The following UTRN variants were observed in gnomAD, a reference collection of about 807,000 sequenced individuals.
The protein encoded by UTRN is dystrophin-related protein 1.
UTRN carries 283 observed loss-of-function variants against 463.9 expected under a neutral mutation model. That is an observed-to-expected ratio of 0.61 (90% confidence interval 0.55 to 0.67). The LOEUF is 0.67. UTRN is among the 30% of genes least tolerant of loss of function. The pLI is 0.00. For missense variants in UTRN, 3,922 were observed against 4,084.3 expected, an observed-to-expected ratio of 0.96 and a Z score of 1.08; for synonymous variants, 1,442 against 1,431.5, an observed-to-expected ratio of 1.01 and a Z score of -0.17.
At chr6:144,483,226 A>G (rs1481158070) in intron 27 of UTRN, among the ~76,000 whole-genome samples, 5 of 152,196 alleles carry the variant, frequency 3.3e-5, no homozygotes, top group Non-Finnish European at 7.3e-5. Flanking sequence ...AGATAAATAT[A>G]TATCATTGAG....
intron 53 of UTRN, among the ~76,000 whole-genome samples, chr6:144,724,185 C>T (rs562059408): frequency 6.7e-6 from 1 of 148,322 alleles, no homozygotes; most frequent in Non-Finnish European, 1.5e-5. Flanking sequence ...AGTATTTTCA[C>T]AGAGTTGTGC....
intron 25 of UTRN, among the ~76,000 whole-genome samples, chr6:144,479,034 C>T (rs1323679289): frequency 3.3e-5 from 5 of 151,784 alleles, no homozygotes; most frequent in Non-Finnish European, 7.4e-5. Flanking sequence ...CAGCCTCTCC[C>T]TCCCTGCTTT....
At chr6:144,827,942 T>C (rs1780334575) in intron 68 of UTRN, among the ~76,000 whole-genome samples, 1 of 152,078 alleles carries the variant, frequency 6.6e-6, no homozygotes, top group Non-Finnish European at 1.5e-5. Context: ...ACAAGCAGGA[T>C]TTAGATGGTG....
chr6:144,325,277 C>G (rs765093438), intron 2 of UTRN, among the ~76,000 whole-genome samples: 4 of 152,200 alleles, frequency 2.6e-5, no homozygotes, highest in African/African-American at 9.6e-5. Context: ...GAGCTCTGCT[C>G]TCTTTCTTGA....
At chr6:144,547,388 A>G (rs1798511965) in intron 46 of UTRN, among the ~76,000 whole-genome samples, 1 of 152,166 alleles carries the variant, frequency 6.6e-6, no homozygotes, top group Non-Finnish European at 1.5e-5. Flanking sequence ...TGGTTTATTA[A>G]TAGCTTCCCT....
chr6:144,745,120 C>T (rs1214707618), intron 54 of UTRN, among the ~76,000 whole-genome samples: 1 of 152,110 alleles, frequency 6.6e-6, no homozygotes, highest in Non-Finnish European at 1.5e-5. Context: ...AACATGACAC[C>T]GGGGTTCTTC....
At chr6:144,501,663 A>G (rs1177234670) in intron 34 of UTRN, among the ~76,000 whole-genome samples, 1 of 152,124 alleles carries the variant, frequency 6.6e-6, no homozygotes, top group Non-Finnish European at 1.5e-5. Context: ...ATGTCCATTT[A>G]AATTATTACC....
At chr6:144,663,831 C>T (rs1169919111) in intron 51 of UTRN, among the ~76,000 whole-genome samples, 2 of 152,156 alleles carry the variant, frequency 1.3e-5, no homozygotes, top group East Asian at 3.9e-4. Flanking sequence ...CAATTTGAAG[C>T]TATATTGTAT....
chr6:144,346,441 T>C (rs149188967), intron 2 of UTRN, among the ~76,000 whole-genome samples: 2 of 152,368 alleles, frequency 1.3e-5, no homozygotes, highest in East Asian at 3.9e-4. Flanking sequence ...CATCAGTTGC[T>C]ATTGAACTGA....
chr6:144,550,778 G>T (rs1798836717), intron 47 of UTRN, among the ~76,000 whole-genome samples, 187 bp from the exon 48 acceptor site: 1 of 152,178 alleles, frequency 6.6e-6, no homozygotes, highest in Non-Finnish European at 1.5e-5. Flanking sequence ...CTAAATGGAA[G>T]AACTGAGATT....
intron 2 of UTRN, among the ~76,000 whole-genome samples, chr6:144,401,265 G>C (rs1219360801): frequency 6.6e-6 from 1 of 152,082 alleles, no homozygotes; most frequent in Non-Finnish European, 1.5e-5. Context: ...TTAAGGTAGT[G>C]GGACAAATAA....
At chr6:144,726,311 T>G (rs1586239661) in intron 53 of UTRN, among the ~76,000 whole-genome samples, 1 of 152,158 alleles carries the variant, frequency 6.6e-6, no homozygotes, top group East Asian at 1.9e-4. Flanking sequence ...CTCTGAGTAC[T>G]GAAGTTTTTA....
chr6:144,569,969 T>C (rs1482782910), intron 50 of UTRN, among the ~76,000 whole-genome samples: 1 of 152,130 alleles, frequency 6.6e-6, no homozygotes, highest in South Asian at 2.1e-4. Context: ...CCTCCAGAAA[T>C]AAATGCAGCC....
chr6:144,365,124 C>T (rs1303646200), intron 2 of UTRN, among the ~76,000 whole-genome samples: 1 of 152,144 alleles, frequency 6.6e-6, no homozygotes, highest in Non-Finnish European at 1.5e-5. Flanking sequence ...TGCCACATTG[C>T]GTAGCTCTTG....
intron 33 of UTRN, among the ~76,000 whole-genome samples, chr6:144,497,397 C>T (rs949376645): frequency 4.0e-5 from 6 of 151,446 alleles, no homozygotes; most frequent in East Asian, 1.9e-4. Context: ...GATAGAGGAC[C>T]GGGTGCGGTC....
chr6:144,490,334 T>G lies in UTRN; in HGVS notation c.4263+135T>G, dbSNP rs956473139. ...CCATGGGATGGGAGTGATGATGTGTTGAAGGTTGCATCCTAGGGCAGCAGA... is the reference window on the plus strand; with the variant it reads ...CCATGGGATGGGAGTGATGATGTGTGGAAGGTTGCATCCTAGGGCAGCAGA... On this transcript the variant is annotated intron_variant, in intron 31 of 74. Transcript: ENST00000367545. 7 of 1,291,154 alleles carry G rather than the reference T, an allele frequency of 5.4e-6. No individual in the cohort carries two copies. The African/African-American group carries it at 1.0e-4, about 19-fold the overall frequency. The allele number at this position is 1,291,154 out of a possible 1,614,324, so 80.0% of individuals were successfully genotyped here. A position where few individuals can be genotyped will look rare whatever the true frequency, so the allele number is the denominator to read the frequency against.
intron 60 of UTRN, among the ~76,000 whole-genome samples, chr6:144,775,156 G>A (rs939204428): frequency 6.6e-6 from 1 of 152,106 alleles, no homozygotes; most frequent in African/African-American, 2.4e-5. Flanking sequence ...ATACGTCTAG[G>A]CAGTTCAGTG....
At chr6:144,531,993 C>A (rs139243228) in intron 42 of UTRN, among the ~76,000 whole-genome samples, 1 of 151,878 alleles carries the variant, frequency 6.6e-6, no homozygotes, top group Non-Finnish European at 1.5e-5. Context: ...AAAAATTAGC[C>A]GGGCATGGTG....
chr6:144,570,493 G>A (rs1054751173), intron 50 of UTRN, among the ~76,000 whole-genome samples: 22 of 152,164 alleles, frequency 1.4e-4, no homozygotes, highest in Non-Finnish European at 2.2e-4. Flanking sequence ...GAGCAATGGA[G>A]CTTTGTCTAC....
Sources: gnomAD v4.1 joint callset for allele counts (sites outside exome capture counted in the v4.1 genomes callset) on GRCh38, gnomAD v4.1.1 for gene constraint, MANE v1.5 for transcripts, NCBI Gene and HGNC (gene_info 2026-07-23, HGNC 2026-07-21) for gene names.